The following ANKRD12 variants were observed in gnomAD, a reference collection of about 807,000 sequenced individuals.
ANKRD12 encodes ankyrin repeat domain-containing protein 12.
In ANKRD12, 85 loss-of-function variants were observed where a neutral mutation model predicts 183.4. That is an observed-to-expected ratio of 0.46 (90% CI 0.39 to 0.56). ANKRD12 has a LOEUF of 0.56. Among genes scored for constraint, ANKRD12 ranks in the 20% least tolerant of loss-of-function variants. ANKRD12 has a pLI of 0.00. For synonymous variants in ANKRD12, 914 were observed against 800.2 expected (o/e 1.14, Z -2.40); for missense variants, 2,405 against 2,357.1 (o/e 1.02, Z -0.42).
intron 1 of ANKRD12, among the ~76,000 whole-genome samples, chr18:9,160,078 T>C (rs2031193000): frequency 6.6e-6 from 1 of 152,016 alleles, no homozygotes; most frequent in Non-Finnish European, 1.5e-5. Context: ...GAGACCAGCC[T>C]GGGCAACATG....
chr18:9,137,102 GGACGCGCCCTGCCCGCCCCCCCCGGTCCC>G (rs1315129322), intron 1 of ANKRD12, 137 bp downstream of exon 1: 2 of 152,364 alleles, frequency 1.3e-5, no homozygotes, highest in African/African-American at 2.4e-5. Context: ...GCAAGGTAGG[GGACGCGCCCTGCCCGCCCCCCCCGGTCCC>G]GACGCGCCGC....
chr18:9,216,931 A>G, intron 7 of ANKRD12, 31 bp downstream of exon 7: 1 of 1,599,662 alleles, frequency 6.3e-7, no homozygotes, highest in Non-Finnish European at 8.5e-7. Context: ...TCAATAATAC[A>G]CATTTGCAAA....
intron 1 of ANKRD12, among the ~76,000 whole-genome samples, chr18:9,165,721 AT>A: frequency 1.3e-5 from 2 of 151,008 alleles, no homozygotes; most frequent in Non-Finnish European, 3.0e-5. Flanking sequence ...TTATTTTTTT[AT>A]TTTATTATTA....
chr18:9,149,709 C>G (rs536855855), intron 1 of ANKRD12, among the ~76,000 whole-genome samples: 5 of 152,030 alleles, frequency 3.3e-5, no homozygotes, highest in Non-Finnish European at 7.4e-5. Context: ...TGTAGGTTTA[C>G]CTTTGTGGAA....
At chr18:9,266,288 A>T (rs1159629130) in intron 10 of ANKRD12, among the ~76,000 whole-genome samples, 1 of 152,200 alleles carries the variant, frequency 6.6e-6, no homozygotes, top group Non-Finnish European at 1.5e-5. Flanking sequence ...ACTCCTTGAG[A>T]AGAGCAACTC....
intron 6 of ANKRD12, among the ~76,000 whole-genome samples, chr18:9,215,657 G>C (rs2144682400): frequency 6.6e-6 from 1 of 152,192 alleles, no homozygotes; most frequent in East Asian, 1.9e-4. Context: ...AAGTCTGGAA[G>C]GATTACACCA....
chr18:9,271,266 G>A (rs1188039499), intron 10 of ANKRD12, among the ~76,000 whole-genome samples: 3 of 152,050 alleles, frequency 2.0e-5, no homozygotes, highest in Non-Finnish European at 4.4e-5. Flanking sequence ...TGCCAGGTGT[G>A]GTGGCTCATG....
At chr18:9,199,439 CTT>C (rs985281472) in intron 3 of ANKRD12, among the ~76,000 whole-genome samples, 11 of 152,064 alleles carry the variant, frequency 7.2e-5, no homozygotes, top group Non-Finnish European at 1.2e-4. Context: ...AAGACTAAGA[CTT>C]TTTTCACTGT....
chr18:9,263,911 CTT>C (rs758348467), intron 10 of ANKRD12, 23 bp downstream of exon 10: 2 of 1,350,112 alleles, frequency 1.5e-6, no homozygotes, highest in Non-Finnish European at 2.0e-6. Flanking sequence ...TAAATTTACA[CTT>C]ATGCTAAAAA....
intron 7 of ANKRD12, among the ~76,000 whole-genome samples, chr18:9,219,628 T>A (rs2036302330): frequency 6.6e-6 from 1 of 151,824 alleles, no homozygotes; most frequent in African/African-American, 2.4e-5. Context: ...AACAGTCCTT[T>A]AAAAATATAA....
chr18:9,177,320 C>T (rs2033352148), intron 1 of ANKRD12, among the ~76,000 whole-genome samples: 1 of 152,110 alleles, frequency 6.6e-6, no homozygotes, highest in Non-Finnish European at 1.5e-5. Context: ...ATTGCCCGTC[C>T]CCTCTCTCCC....
At chr18:9,259,000 C>G (rs541616280) in intron 9 of ANKRD12, 69 bp downstream of exon 9, 4 of 1,459,504 alleles carry the variant, frequency 2.7e-6, no homozygotes, top group African/African-American at 2.9e-5. Context: ...TAGCCACATA[C>G]GTAATTTGAA....
intron 1 of ANKRD12, among the ~76,000 whole-genome samples, chr18:9,145,798 A>T (rs771886037): frequency 1.8e-4 from 28 of 152,376 alleles, no homozygotes; most frequent in Non-Finnish European, 4.1e-4. Context: ...AAGTAATTCT[A>T]GAAGTATAGA....
intron 8 of ANKRD12, among the ~76,000 whole-genome samples, chr18:9,234,863 C>T (rs920095849): frequency 2.6e-5 from 4 of 152,158 alleles, no homozygotes; most frequent in African/African-American, 9.7e-5. Flanking sequence ...CAGATTGCAG[C>T]AGTTTGTGAT....
Position 9,157,293 on chromosome 18 carries a change from T to A in ANKRD12, c.-52+20328T>A, listed in dbSNP as rs527260256. 7.2e-5 allele frequency among the ~76,000 whole-genome samples: 11 copies of A among 152,180 alleles called. No individual in the cohort carries two copies. The South Asian group carries it at 2.3e-3, about 32-fold the overall frequency. ...ACATGAAGCCTATTTTATAATAAAG[T>A]GTTGATCATCTCGTGGTTGTTTACC... On this transcript the variant is annotated intron_variant, in intron 1 of 12. Coordinates refer to ENST00000262126, the MANE Select transcript of ANKRD12 (RefSeq NM_015208.5).
At chr18:9,191,581 A>T (rs1187443860) in intron 2 of ANKRD12, among the ~76,000 whole-genome samples, 1 of 152,018 alleles carries the variant, frequency 6.6e-6, no homozygotes, top group Non-Finnish European at 1.5e-5. Flanking sequence ...CGTAACAATG[A>T]TTCATTTTCT....
intron 1 of ANKRD12, among the ~76,000 whole-genome samples, chr18:9,138,246 C>T (rs2143227925): frequency 6.6e-6 from 1 of 152,342 alleles, no homozygotes; most frequent in South Asian, 2.1e-4. Flanking sequence ...GGCGCGGTGG[C>T]TCATGCCTAT....
rs758351899 is a variant in ANKRD12 at position 9,211,600 on chromosome 18, T to C, written c.468T>C (p.His156=). The C allele has an allele frequency of 1.2e-6, 2 of 1,613,752 alleles. No individual in the cohort carries two copies. The highest frequency in any genetic ancestry group is 1.7e-5 in the Admixed American group (1 of 59,968). The change falls in exon 6 of 13, where the codon CAT becomes CAC. Residue 156 remains histidine (H), a synonymous_variant. Coordinates refer to ENST00000262126, the MANE Select transcript of ANKRD12 (RefSeq NM_015208.5). ...TTCTTACAGATTCCACACCAAATCA[T>C]CCATCACAAACAACGCCTGCCCAAA... ...RDNSPDSTPN[H]PSQTTPAQKK...
chr18:9,226,412 T>A (rs1248366980), intron 8 of ANKRD12, among the ~76,000 whole-genome samples: 1 of 145,474 alleles, frequency 6.9e-6, no homozygotes, highest in African/African-American at 2.5e-5. Context: ...GCAACAAGAG[T>A]GATGCTCTGT....
Sources: gnomAD v4.1 joint callset for allele counts (sites outside exome capture counted in the v4.1 genomes callset) on GRCh38, gnomAD v4.1.1 for gene constraint, MANE v1.5 for transcripts, NCBI Gene and HGNC (gene_info 2026-07-23, HGNC 2026-07-21) for gene names.